TNFAIP8L1: variants seen among roughly 807,000 people sequenced by gnomAD.
TNFAIP8L1 encodes the protein tumor necrosis factor alpha-induced protein 8-like protein 1.
For synonymous variants in TNFAIP8L1, 127 were observed against 125.6 expected, an observed-to-expected ratio of 1.01 and a Z score of -0.08; for missense variants, 225 against 266.1, an observed-to-expected ratio of 0.85 and a Z score of 1.08.
At chr19:4,644,828 C>T (rs1305219542) in intron 1 of TNFAIP8L1, among the ~76,000 whole-genome samples, 2 of 151,872 alleles carry the variant, frequency 1.3e-5, no homozygotes, top group African/African-American at 2.4e-5. Context: ...CTTGGACTCC[C>T]GACCTAAGGT....
intron 1 of TNFAIP8L1, among the ~76,000 whole-genome samples, chr19:4,644,461 C>G (rs1241573724): frequency 1.3e-5 from 2 of 151,450 alleles, no homozygotes; most frequent in African/African-American, 4.9e-5. Context: ...GGGAGGATCA[C>G]TTGAGCCCAG....
rs1403322063 is a variant in TNFAIP8L1, at chr19:4,655,402, A to C, written c.*2972A>C. On this transcript the variant is annotated 3_prime_UTR_variant, in exon 2 of 2. Coordinates refer to ENST00000327473, the MANE Select transcript of TNFAIP8L1 (RefSeq NM_152362.3). The stretch of plus-strand genomic sequence containing the variant: ...TACATGGATCCTGATTTTCTCACGA[A>C]GTCCCGATGGAACCCTGTGCTGTTG... The C allele has an allele frequency of 6.6e-6, 1 of 152,240 alleles. No homozygotes were observed. The highest frequency in any genetic ancestry group is 1.5e-5 in the Non-Finnish European group (1 of 68,048). The allele number at this position is 152,240 out of a possible 1,614,324, so 9.4% of individuals were successfully genotyped here.
intron 1 of TNFAIP8L1, among the ~76,000 whole-genome samples, chr19:4,646,594 C>T (rs1161512202): frequency 1.3e-5 from 2 of 151,908 alleles, no homozygotes; most frequent in East Asian, 1.9e-4. Context: ...CCAGCACCCG[C>T]GAGTCCGCTT....
chr19:4,639,587 G>C lies in TNFAIP8L1; in HGVS notation c.-46G>C, dbSNP rs1187010283. 6.5e-6 allele frequency: 1 copy of C among 152,686 alleles called. No homozygotes were observed. Among genetic ancestry groups the C allele is most frequent in the Non-Finnish European group, 1.5e-5 (1 of 67,982 alleles). 9.5% of individuals were successfully genotyped at this position (152,686 alleles called of 1,614,324 possible). A position where few individuals can be genotyped will look rare whatever the true frequency, so the allele number is the denominator to read the frequency against. ...CCCCGGCCCACGGAGGCGGCTGGAC[G>C]GACCCCCGACGGTTGGACGTACGGA... is the stretch of plus-strand genomic sequence containing the variant. On this transcript the variant is annotated 5_prime_UTR_variant, in exon 1 of 2. Coordinates refer to ENST00000327473, the MANE Select transcript of TNFAIP8L1 (RefSeq NM_152362.3).
At chr19:4,643,573 C>A (rs2088282711) in intron 1 of TNFAIP8L1, among the ~76,000 whole-genome samples, 1 of 152,246 alleles carries the variant, frequency 6.6e-6, no homozygotes, top group Admixed American at 6.5e-5. Flanking sequence ...TGCTGGGGAA[C>A]CCAGTTTGAG....
chr19:4,644,223 AAAAAAT>A (rs1385994483), intron 1 of TNFAIP8L1, among the ~76,000 whole-genome samples: 3 of 148,998 alleles, frequency 2.0e-5, no homozygotes, highest in African/African-American at 5.0e-5. Context: ...CTCCGTCTCA[AAAAAAT>A]AAAATAAAAA....
At position 4,651,766 on chromosome 19, in the gene TNFAIP8L1, C is replaced by G. The variant is rs1251145454; in HGVS notation, c.-3-101C>G. The stretch of plus-strand genomic sequence containing the variant: ...TCCGGCATGACACTTTTTAAAGAAA[C>G]AAATTCCGTTAGGCCCTCTGGGGTC... On this transcript the variant is annotated intron_variant, in intron 1 of 1. Coordinates refer to ENST00000327473, the MANE Select transcript of TNFAIP8L1 (RefSeq NM_152362.3). The G allele has an allele frequency of 3.4e-5, 45 of 1,341,644 alleles. No individual in the cohort carries two copies. In the East Asian group the frequency reaches 1.1e-3, roughly 32 times the overall value. 83.1% of individuals were successfully genotyped at this position (1,341,644 alleles called of 1,614,324 possible). A position where few individuals can be genotyped will look rare whatever the true frequency, so the allele number is the denominator to read the frequency against.
chr19:4,651,847 C>T lies in TNFAIP8L1; in HGVS notation c.-3-20C>T, dbSNP rs752480592. On this transcript the variant is annotated intron_variant, in intron 1 of 1. Transcript: ENST00000327473. ...GTGCCCCAACGTGCAAAACTGAGGG[C>T]TGGTCTGTGTCCCCCGCAGGCCATG... is the stretch of plus-strand genomic sequence containing the variant. 60 of 1,573,836 alleles carry T rather than the reference C, an allele frequency of 3.8e-5. No homozygotes were observed. The highest frequency in any genetic ancestry group is 4.9e-5 in the Non-Finnish European group (57 of 1,155,726).
In TNFAIP8L1 at chr19:4,646,792, C is replaced by T. The variant is rs972793487; in HGVS notation, c.-3-5075C>T. Among the ~76,000 whole-genome samples, 5 of 152,146 alleles carry T rather than the reference C, an allele frequency of 3.3e-5. No homozygotes were observed. In the East Asian group the frequency reaches 7.8e-4, roughly 24 times the overall value. ...ATTACAGGTGCCCGCCACCGCGCCCCGCTAATTTTTTGTATTTTTAGTAGA... is the reference window on the plus strand; with the variant it reads ...ATTACAGGTGCCCGCCACCGCGCCCTGCTAATTTTTTGTATTTTTAGTAGA... On this transcript the variant is annotated intron_variant, in intron 1 of 1. Transcript: ENST00000327473.
At chr19:4,651,213 GC>G (rs1238765943) in intron 1 of TNFAIP8L1, among the ~76,000 whole-genome samples, 1 of 151,824 alleles carries the variant, frequency 6.6e-6, no homozygotes, top group African/African-American at 2.4e-5. Context: ...ATCACCTTGA[GC>G]CCCTTCTCAG....
chr19:4,642,764 G>T (rs947460165), intron 1 of TNFAIP8L1, among the ~76,000 whole-genome samples: 1 of 150,046 alleles, frequency 6.7e-6, no homozygotes, highest in Non-Finnish European at 1.5e-5. Flanking sequence ...GCAGGGAGGG[G>T]ACAGGGCAGG....
At position 4,652,432 on chromosome 19, in the gene TNFAIP8L1, C is replaced by T; in HGVS notation, c.*2C>T. 1.3e-6 allele frequency: 2 copies of T among 1,513,396 alleles called. No homozygotes were observed. The highest frequency in any genetic ancestry group is 1.2e-5 in the South Asian group (1 of 80,950). 93.7% of individuals were successfully genotyped at this position (1,513,396 alleles called of 1,614,324 possible). ...ATGCTGGACGAGGGCAGCCTCTGAA[C>T]CCCGGCGCCGCCCAACCGCGCCCCT... On this transcript the variant is annotated 3_prime_UTR_variant, in exon 2 of 2. Coordinates refer to ENST00000327473, the MANE Select transcript of TNFAIP8L1 (RefSeq NM_152362.3).
intron 1 of TNFAIP8L1, among the ~76,000 whole-genome samples, chr19:4,651,275 T>C (rs575025945): frequency 6.6e-6 from 1 of 152,008 alleles, no homozygotes. Flanking sequence ...ACCCTACAGA[T>C]AGTGGGGTTC....
intron 1 of TNFAIP8L1, chr19:4,640,804 T>C (rs1599821028): frequency 3.9e-5 from 6 of 152,440 alleles, no homozygotes; most frequent in African/African-American, 1.4e-4. Context: ...GGGCGCCAAC[T>C]TTGAAACATA....
Position 4,652,485 on chromosome 19 carries a change from C to T in TNFAIP8L1, c.*55C>T. ...CGCCTTTTGGGGCTCTCCTGCTGGG[C>T]GCGGGTGGGGTTTGTGGGTTTTTTT... On this transcript the variant is annotated 3_prime_UTR_variant, in exon 2 of 2. Transcript: ENST00000327473. 1.4e-6 allele frequency: 2 copies of T among 1,440,778 alleles called. No individual in the cohort carries two copies. The highest frequency in any genetic ancestry group is 2.7e-5 in the Admixed American group (1 of 37,148). 89.2% of individuals were successfully genotyped at this position (1,440,778 alleles called of 1,614,324 possible). A position where few individuals can be genotyped will look rare whatever the true frequency, so the allele number is the denominator to read the frequency against.
chr19:4,640,316 CTG>C (rs2088247715), intron 1 of TNFAIP8L1: 1 of 152,418 alleles, frequency 6.6e-6, no homozygotes, highest in African/African-American at 2.4e-5. Context: ...AGGACAGAAT[CTG>C]TTTTCTCTGC....
chr19:4,646,818 G>T (rs1320779657), intron 1 of TNFAIP8L1, among the ~76,000 whole-genome samples: 1 of 152,126 alleles, frequency 6.6e-6, no homozygotes, highest in Admixed American at 6.6e-5. Flanking sequence ...TTTTAGTAGA[G>T]ACGGGGTTTC....
chr19:4,651,999 C>T lies in TNFAIP8L1; in HGVS notation c.130C>T (p.Arg44Cys), dbSNP rs546865202. The stretch of plus-strand genomic sequence containing the variant: ...CAGTGAGGTGCTGGATGAGCTGTAC[C>T]GCGCCACCAGGGAGTTCACGCGCAG... ...TSSEVLDELY[R>C]ATREFTRSRK... Residue 44 changes from arginine (R) to cysteine (C), a missense_variant, in exon 2 of 2, where the codon CGC becomes TGC. Transcript: ENST00000327473. 7 of 1,614,072 alleles carry T rather than the reference C, an allele frequency of 4.3e-6. No individual in the cohort carries two copies. Among genetic ancestry groups the T allele is most frequent in the Admixed American group, 1.7e-5 (1 of 60,026 alleles).
At chr19:4,644,311 G>A (rs887245479) in intron 1 of TNFAIP8L1, among the ~76,000 whole-genome samples, 3 of 151,858 alleles carry the variant, frequency 2.0e-5, no homozygotes, top group Admixed American at 1.3e-4. Flanking sequence ...AGGTCAAGGC[G>A]GGAGGATCAC....
Sources: allele counts gnomAD v4.1 joint callset (sites outside exome capture counted in the v4.1 genomes callset), GRCh38; gene constraint gnomAD v4.1.1; transcripts MANE v1.5; gene names NCBI Gene and HGNC (gene_info 2026-07-23, HGNC 2026-07-21).